Variants in WWOX observed in about 807,000 individuals in gnomAD.
WWOX encodes the protein WW domain-containing oxidoreductase.
A neutral mutation model predicts 46.2 loss-of-function variants in WWOX; 69 were observed. The ratio of observed to expected loss-of-function variants is 1.49; its 90% confidence interval spans 1.23 to 1.82. The LOEUF (loss-of-function observed/expected upper bound fraction) is 1.82. Among genes scored for constraint, WWOX ranks in the 40% most tolerant of loss-of-function variants. The probability of loss-of-function intolerance (pLI) is 0.00; values close to 1 mark genes in which losing one functional copy is unlikely to be tolerated. For missense variants in WWOX, 919 were observed against 542.6 expected (o/e 1.69, Z -6.89); for synonymous variants, 359 against 202.6 (o/e 1.77, Z -6.56).
At chr16:79,094,474 A>G (rs181348576) in intron 8 of WWOX, among the ~76,000 whole-genome samples, 1 of 151,458 alleles carries the variant, frequency 6.6e-6, no homozygotes, top group East Asian at 2.0e-4. Context: ...CTGGTCCAGA[A>G]CTCCTGACCT....
chr16:78,620,266 G>C (rs979637054), intron 8 of WWOX, among the ~76,000 whole-genome samples: 1 of 152,192 alleles, frequency 6.6e-6, no homozygotes. Context: ...TGTTTGTTAA[G>C]GTACAGAAGA....
rs139066270 is a variant in WWOX, at chr16:79,008,341, G to C, written c.1057-203267G>C. Among the ~76,000 whole-genome samples, 6 of 152,330 alleles carry C rather than the reference G, an allele frequency of 3.9e-5. No homozygotes were observed. In the East Asian group the frequency reaches 1.2e-3, roughly 29 times the overall value. On this transcript the variant is annotated intron_variant, in intron 8 of 8. Coordinates refer to ENST00000566780, the MANE Select transcript of WWOX (RefSeq NM_016373.4). The stretch of plus-strand genomic sequence containing the variant: ...TTTTAAGGGCCTAGCGATTAGATCA[G>C]TCCCACTTAGGATTGAATCCCTTTT...
At chr16:78,835,528 A>T (rs911402735) in intron 8 of WWOX, among the ~76,000 whole-genome samples, 1 of 152,220 alleles carries the variant, frequency 6.6e-6, no homozygotes, top group Non-Finnish European at 1.5e-5. Flanking sequence ...AAATCACACA[A>T]TCAGCACTTA....
At chr16:78,738,958 G>T (rs897504611) in intron 8 of WWOX, among the ~76,000 whole-genome samples, 2 of 152,254 alleles carry the variant, frequency 1.3e-5, no homozygotes, top group African/African-American at 4.8e-5. Context: ...TTCTCATGCT[G>T]CCAATTTAGT....
chr16:78,513,642 C>T (rs571540716), intron 8 of WWOX, among the ~76,000 whole-genome samples: 2 of 152,136 alleles, frequency 1.3e-5, no homozygotes, highest in Non-Finnish European at 1.5e-5. Flanking sequence ...CCCACTGATA[C>T]TTACAAATAT....
chr16:78,776,766 G>A (rs970441529), intron 8 of WWOX, among the ~76,000 whole-genome samples: 2 of 152,110 alleles, frequency 1.3e-5, no homozygotes, highest in Non-Finnish European at 2.9e-5. Context: ...CTTACATGGC[G>A]GCAGGCAAGA....
In WWOX at chr16:78,344,036, T is replaced by C. The variant is rs1456803816; in HGVS notation, c.517-42824T>C. Among the ~76,000 whole-genome samples, 2 of 119,500 alleles carry C rather than the reference T, an allele frequency of 1.7e-5. 1 individual carries two copies. The highest frequency in any genetic ancestry group is 4.0e-5 in the Non-Finnish European group (2 of 50,230). The allele number at this position is 119,500 out of a possible 152,430, so 78.4% of individuals were successfully genotyped here. A position where few individuals can be genotyped will look rare whatever the true frequency, so the allele number is the denominator to read the frequency against. Reference sequence around the variant, plus strand: ...TCCCACATCACCCCACATTTTTTTTTCTTTCTCCTCACCATCAAGAAATGT... The same window carrying C: ...TCCCACATCACCCCACATTTTTTTTCCTTTCTCCTCACCATCAAGAAATGT... On this transcript the variant is annotated intron_variant, in intron 5 of 8. Coordinates refer to ENST00000566780, the MANE Select transcript of WWOX (RefSeq NM_016373.4).
At chr16:78,928,030 T>C (rs1469104050) in intron 8 of WWOX, among the ~76,000 whole-genome samples, 4 of 152,028 alleles carry the variant, frequency 2.6e-5, no homozygotes, top group Non-Finnish European at 5.9e-5. Context: ...CTAGAATGCA[T>C]AAACAAACAA....
chr16:78,504,882 G>A (rs2085154829), intron 8 of WWOX, among the ~76,000 whole-genome samples: 1 of 152,110 alleles, frequency 6.6e-6, no homozygotes, highest in Non-Finnish European at 1.5e-5. Flanking sequence ...AATCTGAGCA[G>A]TTTCGAAACC....
intron 8 of WWOX, among the ~76,000 whole-genome samples, chr16:79,135,750 G>C (rs1597406253): frequency 6.6e-6 from 1 of 152,128 alleles, no homozygotes; most frequent in East Asian, 1.9e-4. Flanking sequence ...AAATAATATA[G>C]CTATCAGTCG....
At chr16:78,453,536 G>T (rs2083742002) in intron 8 of WWOX, among the ~76,000 whole-genome samples, 1 of 152,158 alleles carries the variant, frequency 6.6e-6, no homozygotes, top group Non-Finnish European at 1.5e-5. Context: ...CTCAATACGT[G>T]GGTTTGTTCA....
At chr16:79,168,511 C>G (rs921955978) in intron 8 of WWOX, among the ~76,000 whole-genome samples, 2 of 152,184 alleles carry the variant, frequency 1.3e-5, no homozygotes, top group African/African-American at 4.8e-5. Flanking sequence ...CATCCAGTCC[C>G]TGTTATTTCA....
chr16:78,467,301 C>G (rs1469282880), intron 8 of WWOX, among the ~76,000 whole-genome samples: 1 of 152,072 alleles, frequency 6.6e-6, no homozygotes, highest in African/African-American at 2.4e-5. Flanking sequence ...TGTATATACC[C>G]ATATACACAC....
intron 8 of WWOX, among the ~76,000 whole-genome samples, chr16:78,838,861 A>G (rs2052062299): frequency 6.6e-6 from 1 of 152,282 alleles, no homozygotes; most frequent in African/African-American, 2.4e-5. Flanking sequence ...AGAAAAGAGA[A>G]GAAAAGGAAA....
chr16:78,237,349 T>A (rs2037475926), intron 5 of WWOX: 1 of 152,244 alleles, frequency 6.6e-6, no homozygotes, highest in South Asian at 2.1e-4. Context: ...TTAAAACACG[T>A]AATTTTGCTA....
rs1467644455 is a variant in WWOX, at chr16:78,852,304, G to C, written c.1057-359304G>C. Among the ~76,000 whole-genome samples, 4 of 152,178 alleles carry C rather than the reference G, an allele frequency of 2.6e-5. No individual in the cohort carries two copies. In the South Asian group the frequency reaches 6.2e-4, roughly 24 times the overall value. On this transcript the variant is annotated intron_variant, in intron 8 of 8. Transcript: ENST00000566780. ...TGTCCTGTGTAACCTACAGGGGGAA[G>C]TGATAGCGCATGACCTCTGAAGCTA...
chr16:79,099,017 G>A (rs373229801), intron 8 of WWOX, among the ~76,000 whole-genome samples: 8 of 152,186 alleles, frequency 5.3e-5, no homozygotes, highest in African/African-American at 1.9e-4. Flanking sequence ...AGGGCCTCAG[G>A]CTGCTTTCAC....
At chr16:78,413,054 C>T (rs562363654) in intron 6 of WWOX, among the ~76,000 whole-genome samples, 11 of 152,266 alleles carry the variant, frequency 7.2e-5, no homozygotes, top group Non-Finnish European at 1.6e-4. Flanking sequence ...GAAAATGTAA[C>T]CACCTAATGG....
intron 8 of WWOX, among the ~76,000 whole-genome samples, chr16:79,040,415 C>T (rs2047948529): frequency 6.6e-6 from 1 of 151,914 alleles, no homozygotes; most frequent in Admixed American, 6.6e-5. Context: ...GCTGGGACCA[C>T]AGGATGCACC....
Sources: allele counts gnomAD v4.1 joint callset (sites outside exome capture counted in the v4.1 genomes callset), GRCh38; gene constraint gnomAD v4.1.1; transcripts MANE v1.5; gene names NCBI Gene and HGNC (gene_info 2026-07-23, HGNC 2026-07-21).